Variants in FAM135B observed in about 807,000 individuals in gnomAD.
The protein encoded by FAM135B is protein FAM135B.
In FAM135B, 43 loss-of-function variants were observed where a neutral mutation model predicts 127.7. The observed-to-expected ratio is 0.34, with a 90% CI of 0.26 to 0.43. The LOEUF is 0.43. FAM135B is among the 20% of genes least tolerant of loss of function. FAM135B has a pLI of 1.00. For missense variants in FAM135B, 1,558 were observed against 1,725.6 expected (o/e 0.90, Z 1.72); for synonymous variants, 670 against 665.1 (o/e 1.01, Z -0.11).
chr8:138,490,488 TCAGA>T (rs1252174070), intron 1 of FAM135B, among the ~76,000 whole-genome samples: 1 of 152,146 alleles, frequency 6.6e-6, no homozygotes, highest in Non-Finnish European at 1.5e-5. Flanking sequence ...TGAGCCATGC[TCAGA>T]CAGACAGACG....
intron 1 of FAM135B, among the ~76,000 whole-genome samples, chr8:138,491,026 G>A (rs535444245): frequency 1.1e-4 from 16 of 151,610 alleles, no homozygotes; most frequent in South Asian, 4.2e-4. Context: ...CTGTAATCCC[G>A]GATACTTGGG....
At chr8:138,154,364 A>C (rs1043113993) in intron 12 of FAM135B, among the ~76,000 whole-genome samples, 2 of 152,188 alleles carry the variant, frequency 1.3e-5, no homozygotes, top group African/African-American at 4.8e-5. Context: ...TGAAAATTCT[A>C]AAAATCAGAG....
intron 1 of FAM135B, among the ~76,000 whole-genome samples, chr8:138,404,200 G>C (rs77304555): frequency 0.036 from 5,539 of 151,784 alleles, 270 homozygotes; most frequent in East Asian, 0.25. Flanking sequence ...GATTTTTTTG[G>C]TTTCTCAGTG....
Position 138,197,445 on chromosome 8 carries a change from T to C in FAM135B, c.823+71A>G, listed in dbSNP as rs149574365. On this transcript the variant is annotated intron_variant, in intron 8 of 19. Coordinates refer to ENST00000395297, the MANE Select transcript of FAM135B (RefSeq NM_015912.4). ...TGACATTTACAAAAGCATGCCAGCTTTTCCCCATCCCTTGTGTGGAGGAGG... is the reference window on the plus strand; with the variant it reads ...TGACATTTACAAAAGCATGCCAGCTCTTCCCCATCCCTTGTGTGGAGGAGG... 615 of 1,547,704 alleles carry C rather than the reference T, an allele frequency of 4.0e-4. 1 individual carries two copies. In the African/African-American group the frequency reaches 7.3e-3, roughly 18 times the overall value.
At chr8:138,452,124 C>CTTTTTTTTT (rs1158033996) in intron 1 of FAM135B, among the ~76,000 whole-genome samples, 6 of 104,178 alleles carry the variant, frequency 5.8e-5, no homozygotes, top group Non-Finnish European at 9.4e-5. Flanking sequence ...ACCCAATCTG[C>CTTTTTTTTT]TTTTTTTTTT....
intron 2 of FAM135B, among the ~76,000 whole-genome samples, chr8:138,360,260 G>A (rs1175107488): frequency 6.6e-6 from 1 of 152,158 alleles, no homozygotes; most frequent in Admixed American, 6.6e-5. Flanking sequence ...TAGAAATGCA[G>A]GTTCATGCTC....
chr8:138,144,593 G>A (rs980672093), intron 15 of FAM135B, among the ~76,000 whole-genome samples: 36 of 152,092 alleles, frequency 2.4e-4, no homozygotes, highest in African/African-American at 8.2e-4. Context: ...ATCACAGTAG[G>A]TTTAAAAAGT....
intron 7 of FAM135B, among the ~76,000 whole-genome samples, chr8:138,215,987 G>A (rs1308324693): frequency 6.6e-6 from 1 of 152,208 alleles, no homozygotes. Context: ...GTAAAAGTCA[G>A]TGGAAGCGAT....
chr8:138,330,405 A>C (rs888458081), intron 2 of FAM135B, among the ~76,000 whole-genome samples: 1 of 152,192 alleles, frequency 6.6e-6, no homozygotes, highest in African/African-American at 2.4e-5. Context: ...CTGAATCCAC[A>C]GGCACATGGC....
intron 1 of FAM135B, among the ~76,000 whole-genome samples, chr8:138,422,849 G>A (rs1834596823): frequency 6.6e-6 from 1 of 152,088 alleles, no homozygotes; most frequent in South Asian, 2.1e-4. Context: ...ATAGCAAAAA[G>A]ACATGTAATT....
At chr8:138,175,855 T>C (rs566014699) in intron 11 of FAM135B, among the ~76,000 whole-genome samples, 99 of 152,324 alleles carry the variant, frequency 6.5e-4, no homozygotes, top group African/African-American at 2.4e-3. Flanking sequence ...ACCTTTACTA[T>C]ATTATTGCTG....
intron 3 of FAM135B, among the ~76,000 whole-genome samples, chr8:138,288,106 G>A (rs117440760): frequency 6.6e-5 from 10 of 152,200 alleles, no homozygotes; most frequent in African/African-American, 7.2e-5. Context: ...GTGTTGGTTC[G>A]TTTATTATCC....
chr8:138,299,885 G>T (rs1054288735), intron 3 of FAM135B, among the ~76,000 whole-genome samples: 4 of 151,882 alleles, frequency 2.6e-5, no homozygotes, highest in African/African-American at 9.7e-5. Context: ...TTCATTTGTG[G>T]GAAATTTTAA....
At chr8:138,436,249 A>T (rs951870266) in intron 1 of FAM135B, among the ~76,000 whole-genome samples, 1 of 152,242 alleles carries the variant, frequency 6.6e-6, no homozygotes, top group African/African-American at 2.4e-5. Flanking sequence ...TTCTCTGGGA[A>T]GAACTCGGTA....
At chr8:138,406,374 A>C (rs1451755237) in intron 1 of FAM135B, among the ~76,000 whole-genome samples, 2 of 152,102 alleles carry the variant, frequency 1.3e-5, no homozygotes, top group Non-Finnish European at 2.9e-5. Context: ...ATTCCAATCA[A>C]TAGAAAAAGA....
At chr8:138,237,150 ATTTTTTT>A (rs10604150) in intron 7 of FAM135B, among the ~76,000 whole-genome samples, 34 of 101,340 alleles carry the variant, frequency 3.4e-4, no homozygotes, top group Admixed American at 1.4e-3. Context: ...TGGATCCTTG[ATTTTTTT>A]TTTTTTTTTT....
In FAM135B at chr8:138,294,015, G is replaced by A. The variant is rs142006716; in HGVS notation, c.157+16826C>T. On this transcript the variant is annotated intron_variant, in intron 3 of 19. Coordinates refer to ENST00000395297, the MANE Select transcript of FAM135B (RefSeq NM_015912.4). Reference sequence around the variant, plus strand: ...CCAAACTAAGTGTCCATCAACCAATGAGTAGGTAAAGAAAATATGCTATAT... The same window carrying A: ...CCAAACTAAGTGTCCATCAACCAATAAGTAGGTAAAGAAAATATGCTATAT... Among the ~76,000 whole-genome samples, 4 of 152,204 alleles carry A rather than the reference G, an allele frequency of 2.6e-5. No individual in the cohort carries two copies. In the East Asian group the frequency reaches 7.7e-4, roughly 29 times the overall value.
intron 3 of FAM135B, among the ~76,000 whole-genome samples, chr8:138,274,372 G>C (rs1410305626): frequency 6.6e-6 from 1 of 152,164 alleles, no homozygotes; most frequent in African/African-American, 2.4e-5. Flanking sequence ...TTTCAAAAGG[G>C]GAGGGAATGT....
At chr8:138,257,450 C>T (rs1387621314) in intron 4 of FAM135B, among the ~76,000 whole-genome samples, 1 of 151,970 alleles carries the variant, frequency 6.6e-6, no homozygotes, top group Non-Finnish European at 1.5e-5. Flanking sequence ...CTTTATTCTT[C>T]GTGTCAGTTT....
Sources: gnomAD v4.1 joint callset for allele counts (sites outside exome capture counted in the v4.1 genomes callset) on GRCh38, gnomAD v4.1.1 for gene constraint, MANE v1.5 for transcripts, NCBI Gene and HGNC (gene_info 2026-07-23, HGNC 2026-07-21) for gene names.